REDIC1: variants seen among roughly 807,000 people sequenced by gnomAD.
REDIC1 encodes HEI10 Interacting Protein 1.
chr12:39,879,368 C>T, the REDIC1 span, among the ~76,000 whole-genome samples: 3 of 152,194 alleles, frequency 2.0e-5, no homozygotes, highest in African/African-American at 4.8e-5. Flanking sequence ...TTGCACCCTG[C>T]GTCTGGAAAA....
At chr12:39,713,160 C>T in the REDIC1 span, among the ~76,000 whole-genome samples, 3 of 149,364 alleles carry the variant, frequency 2.0e-5, no homozygotes, top group Admixed American at 6.7e-5. Context: ...TGCATATACA[C>T]ACGTGTATAT....
chr12:39,679,318 A>G, the REDIC1 span, among the ~76,000 whole-genome samples: 57 of 152,326 alleles, frequency 3.7e-4, 1 homozygote, highest in Middle Eastern at 6.8e-3. Flanking sequence ...GTTTCAGGGT[A>G]CAAAATCAAT....
At chr12:39,727,390 G>A in the REDIC1 span, among the ~76,000 whole-genome samples, 1 of 152,066 alleles carries the variant, frequency 6.6e-6, no homozygotes. Flanking sequence ...TTTCACAACA[G>A]CATTTATTCA....
the REDIC1 span, among the ~76,000 whole-genome samples, chr12:39,900,507 A>G: frequency 6.6e-6 from 1 of 152,126 alleles, no homozygotes; most frequent in Admixed American, 6.6e-5. Flanking sequence ...ATACAAAATC[A>G]ATGTGCAAAA....
chr12:39,787,811 T>C, the REDIC1 span, among the ~76,000 whole-genome samples: 1 of 152,168 alleles, frequency 6.6e-6, no homozygotes, highest in East Asian at 1.9e-4. Context: ...TTTCTCGTTA[T>C]CTAAAAATCA....
the REDIC1 span, among the ~76,000 whole-genome samples, chr12:39,658,023 CT>C: frequency 3.3e-5 from 5 of 151,746 alleles, no homozygotes; most frequent in Non-Finnish European, 5.9e-5. Flanking sequence ...CTACTAACTG[CT>C]GTTTTTGCTG....
At chr12:39,712,582 T>C in the REDIC1 span, among the ~76,000 whole-genome samples, 98 of 143,462 alleles carry the variant, frequency 6.8e-4, no homozygotes, top group African/African-American at 2.1e-3. Context: ...TACGTATATA[T>C]GTATATACGT....
the REDIC1 span, chr12:39,647,870 T>C: frequency 6.2e-7 from 1 of 1,608,566 alleles, no homozygotes; most frequent in Non-Finnish European, 8.5e-7. Flanking sequence ...TCCATCATCT[T>C]TTTCAGTGGA....
the REDIC1 span, among the ~76,000 whole-genome samples, chr12:39,711,568 T>TGTGCATACACATGC: frequency 5.9e-5 from 2 of 33,980 alleles, no homozygotes; most frequent in African/African-American, 2.1e-4. Context: ...TGCATGTGTA[T>TGTGCATACACATGC]ATGTGCATAC....
chr12:39,628,766 T>C, the REDIC1 span, among the ~76,000 whole-genome samples: 2 of 152,164 alleles, frequency 1.3e-5, no homozygotes, highest in African/African-American at 4.8e-5. Flanking sequence ...ACTATAATAA[T>C]AGATATTTAA....
the REDIC1 span, among the ~76,000 whole-genome samples, chr12:39,673,452 CG>C: frequency 6.6e-6 from 1 of 152,124 alleles, no homozygotes; most frequent in South Asian, 2.1e-4. Context: ...CTTTTGTGCT[CG>C]GAACATTTAT....
At chr12:39,683,484 T>C in the REDIC1 span, 1 of 1,583,966 alleles carries the variant, frequency 6.3e-7, no homozygotes. Flanking sequence ...GCAAACTCTA[T>C]GTAAGTTTTT....
the REDIC1 span, among the ~76,000 whole-genome samples, chr12:39,743,458 A>G: frequency 6.6e-6 from 1 of 152,218 alleles, no homozygotes; most frequent in Non-Finnish European, 1.5e-5. Flanking sequence ...TTTCAACAAA[A>G]AATTACAAGG....
At chr12:39,831,521 T>C in the REDIC1 span, among the ~76,000 whole-genome samples, 1 of 152,184 alleles carries the variant, frequency 6.6e-6, no homozygotes, top group African/African-American at 2.4e-5. Flanking sequence ...ATGTTCAAAA[T>C]CAAAACACTT....
chr12:39,868,402 AC>A, the REDIC1 span, among the ~76,000 whole-genome samples: 2 of 152,350 alleles, frequency 1.3e-5, no homozygotes, highest in Middle Eastern at 3.4e-3. Context: ...ACTCAAAAAA[AC>A]AAAATAATTT....
the REDIC1 span, among the ~76,000 whole-genome samples, chr12:39,820,582 T>C: frequency 0.022 from 3,415 of 152,120 alleles, 119 homozygotes; most frequent in African/African-American, 0.078. Context: ...GCAGCGGTTC[T>C]TTGATTTGAA....
the REDIC1 span, among the ~76,000 whole-genome samples, chr12:39,753,050 T>C: frequency 6.6e-6 from 1 of 152,336 alleles, no homozygotes; most frequent in East Asian, 1.9e-4. Context: ...CTGAGGACCA[T>C]GCTTGGAGAA....
chr12:39,672,364 G>T, the REDIC1 span, among the ~76,000 whole-genome samples: 13 of 152,090 alleles, frequency 8.5e-5, no homozygotes, highest in Admixed American at 6.5e-5. Context: ...GGCAGTGGGT[G>T]GGGAAAGCCT....
the REDIC1 span, among the ~76,000 whole-genome samples, chr12:39,665,912 C>T: frequency 2.0e-5 from 3 of 152,160 alleles, no homozygotes; most frequent in Admixed American, 1.3e-4. Context: ...GATTTTTGCA[C>T]ATTGATTTTG....
Sources: gnomAD v4.1 joint callset for allele counts (sites outside exome capture counted in the v4.1 genomes callset) on GRCh38, gnomAD v4.1.1 for gene constraint, MANE v1.5 for transcripts, NCBI Gene and HGNC (gene_info 2026-07-23, HGNC 2026-07-21) for gene names.